Variants in PRKAR1B observed in about 807,000 individuals in gnomAD.
The protein encoded by PRKAR1B is protein kinase cAMP-dependent type I regulatory subunit beta.
PRKAR1B carries 22 observed loss-of-function variants against 46.5 expected under a neutral mutation model. That is an observed-to-expected ratio of 0.47 (90% CI 0.34 to 0.68). The LOEUF (loss-of-function observed/expected upper bound fraction) is 0.68. PRKAR1B is among the 30% of genes least tolerant of loss of function. The pLI is 0.01. For synonymous variants in PRKAR1B, 259 were observed against 217.7 expected, an observed-to-expected ratio of 1.19 and a Z score of -1.67; for missense variants, 445 against 535.6, an observed-to-expected ratio of 0.83 and a Z score of 1.67.
At chr7:581,174 G>A (rs9691977) in intron 8 of PRKAR1B, among the ~76,000 whole-genome samples, 63,410 of 151,484 alleles carry the variant, frequency 0.42, 13,894 homozygotes, top group African/African-American at 0.48. Flanking sequence ...GTGGTGGCGG[G>A]CGCCTGTAGT....
chr7:707,345 T>A (rs1780382379), intron 2 of PRKAR1B, among the ~76,000 whole-genome samples: 1 of 152,158 alleles, frequency 6.6e-6, no homozygotes, highest in South Asian at 2.1e-4. Context: ...CCCCTCAGAT[T>A]TTTTTCTTTG....
chr7:615,113 G>C (rs1218171293), intron 4 of PRKAR1B, among the ~76,000 whole-genome samples: 1 of 151,538 alleles, frequency 6.6e-6, no homozygotes, highest in Non-Finnish European at 1.5e-5. Context: ...GAGGCAGAAA[G>C]AAAGAGTGAG....
At chr7:724,985 C>A (rs547252694) in intron 1 of PRKAR1B, among the ~76,000 whole-genome samples, 2 of 152,166 alleles carry the variant, frequency 1.3e-5, no homozygotes, top group Admixed American at 1.3e-4. Flanking sequence ...GAGGCTGAGG[C>A]GGGCGGATCA....
intron 8 of PRKAR1B, among the ~76,000 whole-genome samples, chr7:580,791 G>T (rs1307067936): frequency 6.8e-6 from 1 of 147,080 alleles, no homozygotes; most frequent in East Asian, 2.0e-4. Flanking sequence ...ATACAAATCA[G>T]ATGCTACCTA....
At chr7:592,937 G>A (rs1781066103) in intron 7 of PRKAR1B, among the ~76,000 whole-genome samples, 1 of 152,252 alleles carries the variant, frequency 6.6e-6, no homozygotes, top group African/African-American at 2.4e-5. Flanking sequence ...TCGGGAGGCT[G>A]AGGAGGGAGG....
chr7:705,607 T>C (rs766591456), intron 2 of PRKAR1B, among the ~76,000 whole-genome samples: 33 of 152,212 alleles, frequency 2.2e-4, no homozygotes, highest in Non-Finnish European at 4.0e-4. Context: ...AGCAGCTTTA[T>C]TTGTAGTTGG....
intron 9 of PRKAR1B, chr7:561,910 G>A (rs1318511086): frequency 6.6e-6 from 1 of 152,310 alleles, no homozygotes; most frequent in African/African-American, 2.4e-5. Context: ...GGCCCCGTGT[G>A]AGACGAGCCT....
chr7:686,302 G>GA (rs376876983), intron 2 of PRKAR1B, among the ~76,000 whole-genome samples: 4,094 of 138,614 alleles, frequency 0.03, 185 homozygotes, highest in African/African-American at 0.096. Context: ...TTATGTCTCA[G>GA]AAAAAAAAAA....
chr7:674,732 A>C (rs1786482551), intron 4 of PRKAR1B, among the ~76,000 whole-genome samples: 1 of 152,036 alleles, frequency 6.6e-6, no homozygotes, highest in Non-Finnish European at 1.5e-5. Flanking sequence ...CTACACCCAG[A>C]TACTCCAGCC....
intron 2 of PRKAR1B, among the ~76,000 whole-genome samples, chr7:685,290 GTATACATATATATATACGTA>G (rs1778975686): frequency 7.6e-5 from 1 of 13,114 alleles, no homozygotes; most frequent in Admixed American, 9.1e-4. Context: ...GTATATATAT[GTATACATATATATATACGTA>G]TATATACGTA....
intron 1 of PRKAR1B, among the ~76,000 whole-genome samples, chr7:725,359 G>A (rs961325607): frequency 6.6e-6 from 1 of 152,176 alleles, no homozygotes; most frequent in African/African-American, 2.4e-5. Flanking sequence ...TCACAGATGA[G>A]AAGTGCCTGG....
intron 4 of PRKAR1B, among the ~76,000 whole-genome samples, chr7:636,396 T>TCACGTCCTCCACCGGACTGTGCCCA (rs1784094168): frequency 6.1e-5 from 1 of 16,270 alleles, no homozygotes; most frequent in Non-Finnish European, 1.3e-4. Context: ...GGCCGCGCCC[T>TCACGTCCTCCACCGGACTGTGCCCA]CACGTCCTCC....
intron 4 of PRKAR1B, among the ~76,000 whole-genome samples, chr7:621,317 C>T (rs544614656): frequency 2.0e-5 from 3 of 152,352 alleles, no homozygotes; most frequent in Non-Finnish European, 4.4e-5. Context: ...TAGATCTCTT[C>T]AGGTTTTCTA....
chr7:687,489 C>A (rs932442844), intron 2 of PRKAR1B, among the ~76,000 whole-genome samples: 1 of 152,114 alleles, frequency 6.6e-6, no homozygotes, highest in African/African-American at 2.4e-5. Flanking sequence ...AATTAATAAC[C>A]TGGAAAATAG....
In PRKAR1B at chr7:646,002, C is replaced by T. The variant is rs1409413547; in HGVS notation, c.440+31227G>A. Among the ~76,000 whole-genome samples, 3 of 152,296 alleles carry T rather than the reference C, an allele frequency of 2.0e-5. No individual in the cohort carries two copies. In the East Asian group the frequency reaches 5.8e-4, roughly 29 times the overall value. ...CCCACGAGGCCCACAGCTGAGATTC[C>T]GGCTCCTTCGTCACCAACATGTTGC... is the stretch of plus-strand genomic sequence containing the variant. On this transcript the variant is annotated intron_variant, in intron 4 of 10. Transcript: ENST00000537384.
At chr7:659,630 G>A (rs760096069) in intron 4 of PRKAR1B, among the ~76,000 whole-genome samples, 8 of 152,188 alleles carry the variant, frequency 5.3e-5, no homozygotes, top group Non-Finnish European at 1.2e-4. Context: ...CCCAGGCCGC[G>A]ACCATGGACA....
At chr7:670,597 A>G (rs1322224704) in intron 4 of PRKAR1B, among the ~76,000 whole-genome samples, 9 of 132,940 alleles carry the variant, frequency 6.8e-5, no homozygotes, top group South Asian at 2.6e-4. Flanking sequence ...CCCATGCCAC[A>G]GCATCCAGCA....
intron 4 of PRKAR1B, among the ~76,000 whole-genome samples, chr7:631,995 G>C (rs959059581): frequency 2.0e-5 from 3 of 151,364 alleles, no homozygotes; most frequent in African/African-American, 7.3e-5. Flanking sequence ...CTTGTGTCCC[G>C]ATCTAGAAAA....
rs1785992041 is a variant in PRKAR1B, at chr7:667,362, A to T, written c.440+9867T>A. Among the ~76,000 whole-genome samples, 1 of 152,192 alleles carries T rather than the reference A, an allele frequency of 6.6e-6. No homozygotes were observed. The highest frequency in any genetic ancestry group is 2.4e-5 in the African/African-American group (1 of 41,434). On this transcript the variant is annotated intron_variant, in intron 4 of 10. Transcript: ENST00000537384. The surrounding 1 kb of genome is among the most constrained non-coding windows in gnomAD (Gnocchi z 4.3). ...AAACTGAGGCTCAGAGAATGTTATT[A>T]CTTATAAATGACATCCACAACTCTC...
Sources: gnomAD v4.1 joint callset for allele counts (sites outside exome capture counted in the v4.1 genomes callset) on GRCh38, gnomAD v4.1.1 for gene constraint, Gnocchi (gnomAD v3.1) non-coding constraint, MANE v1.5 for transcripts, NCBI Gene and HGNC (gene_info 2026-07-23, HGNC 2026-07-21) for gene names.